Variants in NLGN4Y observed in about 807,000 individuals in gnomAD.
NLGN4Y encodes neuroligin 4 Y-linked.
Under a neutral mutation model 8.4 loss-of-function variants are expected in NLGN4Y, and 4 were observed. The observed-to-expected ratio is 0.48, with a 90% CI of 0.23 to 1.09. The LOEUF (loss-of-function observed/expected upper bound fraction) is 1.09. Ranked by LOEUF, NLGN4Y falls within the 50% of genes least tolerant of loss-of-function variation. NLGN4Y has a pLI of 0.19. For synonymous variants in NLGN4Y, 35 were observed against 75.6 expected (o/e 0.46, Z 2.78); for missense variants, 90 against 192.3 (o/e 0.47, Z 3.15).
At chrY:14,629,944 T>G in intron 2 of NLGN4Y, among the ~76,000 whole-genome samples, 1 of 33,623 alleles carries the variant, frequency 3.0e-5, no homozygotes, top group Non-Finnish European at 7.3e-5. Flanking sequence ...TTTCTAATTT[T>G]GAGTGATAGG....
chrY:14,626,536 C>T, intron 2 of NLGN4Y, among the ~76,000 whole-genome samples: 1 of 34,076 alleles, frequency 2.9e-5, no homozygotes, highest in African/African-American at 1.2e-4. Context: ...TGTTACATCT[C>T]ATAAAGCTGC....
intron 1 of NLGN4Y, among the ~76,000 whole-genome samples, chrY:14,578,987 T>G: frequency 2.9e-5 from 1 of 34,227 alleles, no homozygotes; most frequent in African/African-American, 1.1e-4. Flanking sequence ...AAAATTTACC[T>G]TTCATGCTTC....
intron 2 of NLGN4Y, among the ~76,000 whole-genome samples, chrY:14,705,862 T>G: frequency 3.0e-5 from 1 of 33,642 alleles, no homozygotes; most frequent in East Asian, 7.9e-4. Context: ...TAGTCATTTT[T>G]GTTTAATAAT....
chrY:14,771,776 AT>A (rs2081108748), intron 4 of NLGN4Y, among the ~76,000 whole-genome samples: 1 of 33,216 alleles, frequency 3.0e-5, no homozygotes, highest in Non-Finnish European at 7.4e-5. Flanking sequence ...ATCAAGACCT[AT>A]CCGGTGTGCT....
chrY:14,619,710 T>C, intron 1 of NLGN4Y, among the ~76,000 whole-genome samples: 1 of 33,650 alleles, frequency 3.0e-5, no homozygotes, highest in Non-Finnish European at 7.3e-5. Flanking sequence ...AGGATACAGA[T>C]TTATCTGAAT....
At chrY:14,617,505 C>G in intron 1 of NLGN4Y, among the ~76,000 whole-genome samples, 1 of 30,528 alleles carries the variant, frequency 3.3e-5, no homozygotes, top group East Asian at 8.7e-4. Context: ...GGGGCACAAG[C>G]CAGATGCCAG....
intron 4 of NLGN4Y, among the ~76,000 whole-genome samples, chrY:14,752,111 T>C (rs2081043785): frequency 3.0e-5 from 1 of 33,529 alleles, no homozygotes; most frequent in African/African-American, 1.2e-4. Context: ...ATCTTTGATA[T>C]TGAAAATACA....
At chrY:14,613,020 T>G (rs2080475174) in intron 1 of NLGN4Y, among the ~76,000 whole-genome samples, 2 of 32,620 alleles carry the variant, frequency 6.1e-5, no homozygotes, top group Non-Finnish European at 1.5e-4. Flanking sequence ...AGAGCCAGTC[T>G]GGCTACAGCA....
intron 1 of NLGN4Y, among the ~76,000 whole-genome samples, chrY:14,602,116 G>C: frequency 3.0e-5 from 1 of 33,419 alleles, no homozygotes; most frequent in African/African-American, 1.2e-4. Context: ...ACGTGGGTCT[G>C]TTGCCTTGGG....
intron 1 of NLGN4Y, among the ~76,000 whole-genome samples, chrY:14,560,178 A>G (rs2080222738): frequency 3.0e-5 from 1 of 33,218 alleles, no homozygotes; most frequent in Non-Finnish European, 7.5e-5. Flanking sequence ...TAAAATGGGA[A>G]CAGTGGTATT....
intron 2 of NLGN4Y, among the ~76,000 whole-genome samples, chrY:14,629,940 A>G (rs2080542946): frequency 3.0e-5 from 1 of 33,518 alleles, no homozygotes; most frequent in East Asian, 7.9e-4. Context: ...AGCATTTCTA[A>G]TTTTGAGTGA....
chrY:14,546,959 C>T, intron 1 of NLGN4Y, among the ~76,000 whole-genome samples: 1 of 33,651 alleles, frequency 3.0e-5, no homozygotes, highest in African/African-American at 1.2e-4. Flanking sequence ...CCATCAACAC[C>T]TAATTTATTG....
At chrY:14,829,286 TG>T (rs2043161975) in intron 5 of NLGN4Y, among the ~76,000 whole-genome samples, 1 of 33,733 alleles carries the variant, frequency 3.0e-5, no homozygotes, top group African/African-American at 1.2e-4. Flanking sequence ...TGGATTTGTT[TG>T]TGAGACAAGA....
In NLGN4Y at chrY:14,661,831, TCAC is replaced by T. The variant is rs752078500; in HGVS notation, c.472+39244_472+39246del. Reference sequence around the variant, plus strand: ...CTGGTTGAAGTCTGGACAGAGCAGATCACCACAAGAGTGACTGGAATAAGCCAT... The same window carrying T: ...CTGGTTGAAGTCTGGACAGAGCAGATCACAAGAGTGACTGGAATAAGCCAT... On this transcript the variant is annotated intron_variant, in intron 2 of 6. Transcript: ENST00000684976. Among the ~76,000 whole-genome samples the T allele has an allele frequency of 8.1e-4, 27 of 33,286 alleles. No individual in the cohort carries two copies. The East Asian group carries it at 0.021, about 26-fold the overall frequency. The allele number at this position is 33,286 out of a possible 37,273, so 89.3% of individuals were successfully genotyped here. A position where few individuals can be genotyped will look rare whatever the true frequency, so the allele number is the denominator to read the frequency against.
intron 2 of NLGN4Y, among the ~76,000 whole-genome samples, chrY:14,677,338 C>A: frequency 6.1e-5 from 2 of 32,755 alleles, no homozygotes; most frequent in African/African-American, 2.4e-4. Context: ...CTTGAGTGGC[C>A]CCCTTTTTAC....
intron 1 of NLGN4Y, among the ~76,000 whole-genome samples, chrY:14,607,601 C>T (rs879056279): frequency 2.9e-5 from 1 of 34,100 alleles, no homozygotes; most frequent in Admixed American, 2.7e-4. Flanking sequence ...ATGTGTGCCA[C>T]ATTTTCTGTA....
chrY:14,539,359 C>T (rs2080141594), intron 1 of NLGN4Y, among the ~76,000 whole-genome samples: 1 of 33,066 alleles, frequency 3.0e-5, no homozygotes, highest in Admixed American at 2.8e-4. Flanking sequence ...CAACACTACA[C>T]TACTGTGACT....
chrY:14,628,798 A>AT (rs2080538453), intron 2 of NLGN4Y, among the ~76,000 whole-genome samples: 1 of 30,458 alleles, frequency 3.3e-5, no homozygotes, highest in African/African-American at 1.3e-4. Flanking sequence ...TTTTATTCTT[A>AT]TTTTTTTTTA....
chrY:14,733,172 C>G, intron 4 of NLGN4Y, among the ~76,000 whole-genome samples: 2 of 33,723 alleles, frequency 5.9e-5, no homozygotes, highest in African/African-American at 2.3e-4. Context: ...CACCATTCAT[C>G]AAATGAAACA....
Sources: gnomAD v4.1 joint callset for allele counts (sites outside exome capture counted in the v4.1 genomes callset) on GRCh38, gnomAD v4.1.1 for gene constraint, MANE v1.5 for transcripts, NCBI Gene and HGNC (gene_info 2026-07-23, HGNC 2026-07-21) for gene names.